PXDNL: variants seen among roughly 807,000 people sequenced by gnomAD.
PXDNL encodes probable oxidoreductase PXDNL.
In PXDNL, 145 loss-of-function variants were observed where a neutral mutation model predicts 150.8. That is an observed-to-expected ratio of 0.96 (90% CI 0.84 to 1.10). PXDNL has a LOEUF of 1.10. Ranked by LOEUF, PXDNL falls within the 50% of genes least tolerant of loss-of-function variation. The pLI is 0.00. For missense variants in PXDNL, 2,087 were observed against 1,873.9 expected (o/e 1.11, Z -2.10); for synonymous variants, 757 against 725.7 (o/e 1.04, Z -0.69).
intron 4 of PXDNL, among the ~76,000 whole-genome samples, chr8:51,508,069 A>G (rs983613153): frequency 6.6e-6 from 1 of 152,188 alleles, no homozygotes; most frequent in African/African-American, 2.4e-5. Context: ...TAATAGAAGC[A>G]AAGTGAGGAA....
intron 4 of PXDNL, among the ~76,000 whole-genome samples, chr8:51,545,447 T>C (rs1307598792): frequency 6.6e-6 from 1 of 152,130 alleles, no homozygotes; most frequent in African/African-American, 2.4e-5. Context: ...AGTTTAGTAG[T>C]CATTGTCTTA....
chr8:51,668,012 C>T (rs1453568986), intron 1 of PXDNL, among the ~76,000 whole-genome samples: 3 of 152,016 alleles, frequency 2.0e-5, no homozygotes, highest in Admixed American at 6.6e-5. Context: ...GCACCGGACT[C>T]ACAATTTCTG....
chr8:51,642,037 T>C (rs998746683), intron 2 of PXDNL, among the ~76,000 whole-genome samples: 2 of 151,588 alleles, frequency 1.3e-5, no homozygotes, highest in East Asian at 1.9e-4. Flanking sequence ...TAAAAAAGGA[T>C]GAGTTCATGT....
At chr8:51,657,798 A>G (rs73574256) in intron 1 of PXDNL, among the ~76,000 whole-genome samples, 6,841 of 152,306 alleles carry the variant, frequency 0.045, 515 homozygotes, top group African/African-American at 0.15. Context: ...ATTTAAACTT[A>G]TCACTGGATT....
chr8:51,429,293 C>T (rs77809625), intron 12 of PXDNL, among the ~76,000 whole-genome samples: 3,691 of 152,244 alleles, frequency 0.024, 149 homozygotes, highest in African/African-American at 0.084. Context: ...AAAATTTAAA[C>T]ATGTGGCCGG....
chr8:51,527,713 A>T (rs1811799304), intron 4 of PXDNL, among the ~76,000 whole-genome samples: 1 of 152,174 alleles, frequency 6.6e-6, no homozygotes, highest in Non-Finnish European at 1.5e-5. Context: ...CATGTAGGAG[A>T]GAGAACCATC....
At chr8:51,640,266 T>C (rs1263893776) in intron 2 of PXDNL, among the ~76,000 whole-genome samples, 1 of 152,142 alleles carries the variant, frequency 6.6e-6, no homozygotes, top group Non-Finnish European at 1.5e-5. Flanking sequence ...GGGCAAAAAC[T>C]GGAAGCATTC....
chr8:51,440,527 A>G (rs1586108775), intron 12 of PXDNL, among the ~76,000 whole-genome samples: 4 of 152,316 alleles, frequency 2.6e-5, no homozygotes, highest in South Asian at 4.1e-4. Flanking sequence ...ATGAGTCCAC[A>G]CCATCCATGA....
rs559461823 is a variant in PXDNL, at chr8:51,405,716, C to A, written c.3557+2351G>T. Among the ~76,000 whole-genome samples the A allele has an allele frequency of 9.2e-5, 14 of 152,266 alleles. 1 individual carries two copies. In the East Asian group the frequency reaches 2.5e-3, roughly 27 times the overall value. On this transcript the variant is annotated intron_variant, in intron 17 of 22. Coordinates refer to ENST00000356297, the MANE Select transcript of PXDNL (RefSeq NM_144651.5). ...GAATGAGTATATGTTTCATATTTTA[C>A]AAATTTGCCGTTAATGAAAGGGGAA...
intron 2 of PXDNL, among the ~76,000 whole-genome samples, chr8:51,641,273 C>T (rs2130777739): frequency 6.6e-6 from 1 of 151,456 alleles, no homozygotes; most frequent in South Asian, 2.1e-4. Flanking sequence ...CTAGGCATTA[C>T]CATTCAGGAC....
intron 1 of PXDNL, among the ~76,000 whole-genome samples, chr8:51,751,838 C>T (rs1346397918): frequency 6.6e-6 from 1 of 152,122 alleles, no homozygotes; most frequent in Non-Finnish European, 1.5e-5. Context: ...TTCTAATTTC[C>T]CCTCTTTATC....
intron 4 of PXDNL, among the ~76,000 whole-genome samples, chr8:51,537,625 G>A (rs1480088524): frequency 6.6e-6 from 1 of 152,166 alleles, no homozygotes; most frequent in African/African-American, 2.4e-5. Context: ...TTCTCAGTGT[G>A]AGTGTCTGGG....
At chr8:51,557,728 A>T (rs181625040) in intron 3 of PXDNL, among the ~76,000 whole-genome samples, 3,434 of 152,220 alleles carry the variant, frequency 0.023, 127 homozygotes, top group African/African-American at 0.076. Flanking sequence ...AAACCTACTC[A>T]ATCGGACTCT....
chr8:51,711,326 T>C (rs1046649571), intron 1 of PXDNL, among the ~76,000 whole-genome samples: 2 of 152,084 alleles, frequency 1.3e-5, no homozygotes, highest in Non-Finnish European at 2.9e-5. Context: ...TCAGTAGAGA[T>C]AGGGTTTTGC....
intron 15 of PXDNL, among the ~76,000 whole-genome samples, chr8:51,411,815 T>C (rs779513146): frequency 6.6e-6 from 1 of 152,150 alleles, no homozygotes; most frequent in African/African-American, 2.4e-5. Flanking sequence ...TGTAATCTCC[T>C]AGAAATTCCT....
intron 2 of PXDNL, among the ~76,000 whole-genome samples, chr8:51,611,827 G>A (rs1814009478): frequency 2.0e-5 from 3 of 152,218 alleles, no homozygotes; most frequent in Admixed American, 2.0e-4. Context: ...GAAGGAGCAC[G>A]GCACTTTGGA....
intron 18 of PXDNL, 28 bp from the exon 19 acceptor site, chr8:51,372,109 G>A: frequency 6.7e-7 from 1 of 1,502,400 alleles, no homozygotes; most frequent in Non-Finnish European, 9.1e-7. Flanking sequence ...AAAAAACATT[G>A]TCGTGGGTCT....
intron 12 of PXDNL, among the ~76,000 whole-genome samples, chr8:51,430,908 A>C (rs1325847757): frequency 6.6e-6 from 1 of 152,126 alleles, no homozygotes; most frequent in African/African-American, 2.4e-5. Context: ...ATCCTATTTC[A>C]CATCAACAGC....
intron 17 of PXDNL, 54 bp downstream of exon 17, chr8:51,408,013 C>T: frequency 1.4e-6 from 2 of 1,471,236 alleles, no homozygotes; most frequent in Non-Finnish European, 9.1e-7. Context: ...TGACCTTTAA[C>T]ACTTTTACCT....
Sources: gnomAD v4.1 joint callset for allele counts (sites outside exome capture counted in the v4.1 genomes callset) on GRCh38, gnomAD v4.1.1 for gene constraint, MANE v1.5 for transcripts, NCBI Gene and HGNC (gene_info 2026-07-23, HGNC 2026-07-21) for gene names.